The following PRKDC variants were observed in gnomAD, a reference collection of about 807,000 sequenced individuals.
PRKDC encodes the protein protein kinase, DNA-activated, catalytic subunit.
A neutral mutation model predicts 486.9 loss-of-function variants in PRKDC; 82 were observed. The ratio of observed to expected loss-of-function variants is 0.17; its 90% CI spans 0.14 to 0.20. PRKDC has a LOEUF of 0.20. PRKDC is among the 10% of genes least tolerant of loss of function. PRKDC has a pLI of 1.00. For synonymous variants in PRKDC, 1,895 were observed against 1,837.0 expected, an observed-to-expected ratio of 1.03 and a Z score of -0.81; for missense variants, 4,504 against 5,038.2, an observed-to-expected ratio of 0.89 and a Z score of 3.21.
intron 69 of PRKDC, among the ~76,000 whole-genome samples, chr8:47,805,531 C>G (rs2087199874): frequency 6.6e-6 from 1 of 152,178 alleles, no homozygotes; most frequent in Admixed American, 6.5e-5. Flanking sequence ...ATTCTGGATA[C>G]TAGACCCTTA....
At chr8:47,928,127 T>C (rs1338738853) in intron 19 of PRKDC, among the ~76,000 whole-genome samples, 3 of 151,736 alleles carry the variant, frequency 2.0e-5, no homozygotes, top group African/African-American at 7.3e-5. Flanking sequence ...ATCACTCAAC[T>C]GAATTATGTT....
At chr8:47,839,088 T>G (rs2088087550) in intron 56 of PRKDC, 60 bp downstream of exon 56, 4 of 1,315,236 alleles carry the variant, frequency 3.0e-6, no homozygotes, top group Non-Finnish European at 3.3e-6. Context: ...AAATACTCTA[T>G]GCTACCTTTG....
At chr8:47,791,199 G>A (rs190477612) in intron 74 of PRKDC, among the ~76,000 whole-genome samples, 28 of 152,268 alleles carry the variant, frequency 1.8e-4, no homozygotes, top group Admixed American at 5.2e-4. Flanking sequence ...AAATATGGCC[G>A]GGCGCAGTGG....
At chr8:47,959,289 A>C (rs2090769320) in intron 1 of PRKDC, 1 of 152,238 alleles carries the variant, frequency 6.6e-6, no homozygotes, top group Non-Finnish European at 1.5e-5. Flanking sequence ...ACATGACTTC[A>C]ATTACATTTC....
chr8:47,935,052 T>C lies in PRKDC; in HGVS notation c.1454A>G (p.Gln485Arg). Residue 485 changes from glutamine (Q) to arginine (R), a missense_variant, in exon 14 of 86, where the codon CAG (glutamine) becomes CGG (arginine). This residue lies in a region of PRKDC where 1,969 missense variants were observed against 2,068.9 expected (regional missense o/e 0.95). Coordinates refer to ENST00000314191, the MANE Select transcript of PRKDC (RefSeq NM_006904.7). ...LRNCISTVVH[Q>R]GLIRICSKPV... ...TTTAGAACATATTCTGATTAAACCC[T>C]GATGCACTGAAAAAAGAAAAAGAAA... The C allele has an allele frequency of 6.6e-7, 1 of 1,505,586 alleles. No homozygotes were observed. Among genetic ancestry groups the C allele is most frequent in the South Asian group, 1.3e-5 (1 of 76,314 alleles). The allele number at this position is 1,505,586 out of a possible 1,614,324, so 93.3% of individuals were successfully genotyped here.
At chr8:47,952,965 C>A (rs1464502362) in intron 7 of PRKDC, among the ~76,000 whole-genome samples, 3 of 152,128 alleles carry the variant, frequency 2.0e-5, no homozygotes, top group African/African-American at 7.2e-5. Context: ...CATGGTGAAA[C>A]CCCATCTCTA....
Position 47,849,468 on chromosome 8 carries a change from T to G in PRKDC, c.7041A>C (p.Lys2347Asn). The change falls in exon 53 of 86, where the codon AAA becomes AAC. Residue 2347 changes from lysine (K) to asparagine (N), a missense_variant. This residue lies in a region of PRKDC where 1,592 missense variants were observed against 1,724.6 expected (regional missense o/e 0.92). Coordinates refer to ENST00000314191, the MANE Select transcript of PRKDC (RefSeq NM_006904.7). ...TAGTATTCTGATGTTGCTTCAATTG[T>G]TTCGCAACCAGTTCACACAGAGACT... ...LEESLCELVAKQLKQHQNTME... is the reference protein window; with the variant it reads ...LEESLCELVANQLKQHQNTME... 1 of 1,614,034 alleles carries G rather than the reference T, an allele frequency of 6.2e-7. No individual in the cohort carries two copies. Among genetic ancestry groups the G allele is most frequent in the Non-Finnish European group, 8.5e-7 (1 of 1,179,892 alleles).
Position 47,862,502 on chromosome 8 carries a change from C to T in PRKDC, c.5790G>A (p.Glu1930=). 6.2e-7 allele frequency: 1 copy of T among 1,613,464 alleles called. No homozygotes were observed. Among genetic ancestry groups the T allele is most frequent in the Non-Finnish European group, 8.5e-7 (1 of 1,179,600 alleles). Residue 1930 remains glutamate (E), a synonymous_variant, in exon 43 of 86, where the codon GAG becomes GAA. Transcript: ENST00000314191. ...GTCTTCTCCTCTCCAGCAGCTGATT[C>T]TCTCCTGCCATGTTCTCTGTAAATG... The part of the protein sequence containing the change: ...YDAFTENMAG[E]NQLLERRRLY...
chr8:47,822,857 A>G (rs1225992431), intron 64 of PRKDC, among the ~76,000 whole-genome samples: 4 of 152,186 alleles, frequency 2.6e-5, no homozygotes, highest in African/African-American at 9.6e-5. Context: ...CTGAATTTCA[A>G]CACCTACACT....
In PRKDC at chr8:47,849,412, T is replaced by C. The variant is rs772131067; in HGVS notation, c.7097A>G (p.Lys2366Arg). The C allele has an allele frequency of 2.5e-6, 4 of 1,614,034 alleles. No homozygotes were observed. Among genetic ancestry groups the C allele is most frequent in the Non-Finnish European group, 2.5e-6 (3 of 1,179,900 alleles). Residue 2366 changes from lysine to arginine, a missense_variant, in exon 53 of 86, where the codon AAA becomes AGA. Lys to Arg is a conservative substitution (Grantham distance 26). Coordinates refer to ENST00000314191, the MANE Select transcript of PRKDC (RefSeq NM_006904.7). ...MEDKFIVCLN[K>R]VTKSFPPLAD... Reference sequence around the variant, plus strand: ...AAGAGGAGGGAAGCTCTTGGTCACTTTGTTCAAGCACACAATAAACTTGTC... The same window carrying C: ...AAGAGGAGGGAAGCTCTTGGTCACTCTGTTCAAGCACACAATAAACTTGTC...
At chr8:47,780,063 C>T (rs190121005) in intron 80 of PRKDC, among the ~76,000 whole-genome samples, 5 of 151,692 alleles carry the variant, frequency 3.3e-5, no homozygotes, top group Admixed American at 6.6e-5. Context: ...TACAGGCGCC[C>T]GCCACTACAC....
chr8:47,831,961 C>A, intron 59 of PRKDC, 35 bp from the exon 60 acceptor site: 4 of 1,567,844 alleles, frequency 2.6e-6, no homozygotes, highest in Non-Finnish European at 2.6e-6. Context: ...TACTCCCCGC[C>A]GCCCAGACAC....
At chr8:47,930,341 C>T (rs1373190509) in intron 17 of PRKDC, among the ~76,000 whole-genome samples, 1 of 152,184 alleles carries the variant, frequency 6.6e-6, no homozygotes, top group Non-Finnish European at 1.5e-5. Context: ...GGCGCAGTCT[C>T]GGCTCACTGC....
At chr8:47,848,033 T>C (rs2088313102) in intron 54 of PRKDC, among the ~76,000 whole-genome samples, 4 of 152,138 alleles carry the variant, frequency 2.6e-5, no homozygotes, top group Admixed American at 1.3e-4. Context: ...TTATACATGG[T>C]TGGTGGGAAT....
In PRKDC at chr8:47,914,010, C is replaced by T. The variant is rs967514465; in HGVS notation, c.2672G>A (p.Arg891Gln). ...KSYVAWDREKRLSFAVPFREM... is the reference protein window; with the variant it reads ...KSYVAWDREKQLSFAVPFREM... ...TCTAAAGGGCACTGCAAAGCTCAGC[C>T]GCTTCTCTCTGTCCCAGGCCACATA... Residue 891 changes from arginine to glutamine, a missense_variant, in exon 24 of 86, where the codon CGG (arginine) becomes CAG (glutamine). Coordinates refer to ENST00000314191, the MANE Select transcript of PRKDC (RefSeq NM_006904.7). The T allele has an allele frequency of 9.4e-6, 15 of 1,599,878 alleles. No individual in the cohort carries two copies. Among genetic ancestry groups the T allele is most frequent in the South Asian group, 2.3e-5 (2 of 88,364 alleles).
At chr8:47,905,707 C>T (rs1047830594) in intron 25 of PRKDC, among the ~76,000 whole-genome samples, 3 of 152,108 alleles carry the variant, frequency 2.0e-5, no homozygotes, top group African/African-American at 7.2e-5. Context: ...GAGGAAGCTG[C>T]CTCTCCCACT....
chr8:47,945,711 T>C (rs1050323353), intron 7 of PRKDC, among the ~76,000 whole-genome samples: 6 of 152,054 alleles, frequency 3.9e-5, no homozygotes, highest in South Asian at 2.1e-4. Context: ...GCTAGGAACA[T>C]AGGTGTGAAA....
intron 70 of PRKDC, among the ~76,000 whole-genome samples, chr8:47,802,777 C>T (rs964148527): frequency 2.0e-5 from 3 of 152,064 alleles, no homozygotes; most frequent in East Asian, 1.9e-4. Flanking sequence ...CTCAGCCTCC[C>T]GAGTAGCTGG....
chr8:47,899,741 C>T (rs1258444155), intron 28 of PRKDC, among the ~76,000 whole-genome samples: 2 of 152,196 alleles, frequency 1.3e-5, no homozygotes, highest in African/African-American at 4.8e-5. Flanking sequence ...CACGCCTGAG[C>T]CTCTGTGCCC....
Sources: allele counts gnomAD v4.1 joint callset (sites outside exome capture counted in the v4.1 genomes callset), GRCh38; gene constraint gnomAD v4.1.1; regional missense constraint gnomAD v4.1.1; transcripts MANE v1.5; gene names NCBI Gene and HGNC (gene_info 2026-07-23, HGNC 2026-07-21).